WIPI2: variants seen among roughly 807,000 people sequenced by gnomAD.
WIPI2 encodes WD repeat domain, phosphoinositide interacting 2, also known as WD repeat domain phosphoinositide-interacting protein 2.
Under a neutral mutation model 52.3 loss-of-function variants are expected in WIPI2, and 28 were observed. That is an observed-to-expected ratio of 0.54 (90% CI 0.40 to 0.73). The LOEUF (loss-of-function observed/expected upper bound fraction) is 0.73, where lower values mean the gene tolerates loss of function less well. Ranked by LOEUF, WIPI2 falls within the 30% of genes least tolerant of loss-of-function variation. WIPI2 has a pLI of 0.00. For synonymous variants in WIPI2, 268 were observed against 245.0 expected (o/e 1.09, Z -0.88); for missense variants, 506 against 602.9 (o/e 0.84, Z 1.68).
intron 11 of WIPI2, 60 bp downstream of exon 11, chr7:5,228,271 AC>A: frequency 6.9e-7 from 1 of 1,443,722 alleles, no homozygotes; most frequent in Non-Finnish European, 9.3e-7. Context: ...CTTTCGGGGC[AC>A]CTGGCGAACG....
At chr7:5,199,233 A>T (rs1781909203) in intron 2 of WIPI2, among the ~76,000 whole-genome samples, 1 of 151,976 alleles carries the variant, frequency 6.6e-6, no homozygotes, top group Non-Finnish European at 1.5e-5. Flanking sequence ...GTAGAGATGG[A>T]GTGTCAGTAT....
intron 2 of WIPI2, among the ~76,000 whole-genome samples, chr7:5,195,896 G>A (rs1342498542): frequency 4.0e-5 from 6 of 151,858 alleles, no homozygotes; most frequent in Non-Finnish European, 4.4e-5. Context: ...AAAATTAGCC[G>A]GGTGTGATGG....
In WIPI2 at chr7:5,227,900, G is replaced by A. The variant is rs559592072; in HGVS notation, c.1014-204G>A. ...ACAAAACTGGTTTCATCCCGCTCTC[G>A]TCTCCCGTGGGCTTCAGGGCTCAGC... is the stretch of plus-strand genomic sequence containing the variant. On this transcript the variant is annotated intron_variant, in intron 10 of 12. Coordinates refer to ENST00000288828, the MANE Select transcript of WIPI2 (RefSeq NM_015610.4). The surrounding 1 kb of genome is among the most constrained non-coding windows in gnomAD (Gnocchi z 8.1). Among the ~76,000 whole-genome samples the A allele has an allele frequency of 2.1e-4, 32 of 152,290 alleles. No homozygotes were observed. Among genetic ancestry groups the A allele is most frequent in the African/African-American group, 7.2e-4 (30 of 41,550 alleles).
intron 7 of WIPI2, chr7:5,218,804 G>C (rs749631964): frequency 6.6e-6 from 1 of 152,096 alleles, no homozygotes; most frequent in Non-Finnish European, 1.5e-5. Flanking sequence ...TTTCGTTTCA[G>C]TTCCTCTTTT....
intron 3 of WIPI2, among the ~76,000 whole-genome samples, chr7:5,203,625 CTTTTTTT>C (rs10709311): frequency 1.5e-5 from 1 of 66,394 alleles, no homozygotes; most frequent in East Asian, 4.8e-4. Flanking sequence ...TACGTTCAGC[CTTTTTTT>C]TTTTTTTTTT....
At chr7:5,223,681 T>C (rs1783266712) in intron 8 of WIPI2, among the ~76,000 whole-genome samples, 1 of 152,132 alleles carries the variant, frequency 6.6e-6, no homozygotes, top group Admixed American at 6.5e-5. Context: ...CCTGGCTTCC[T>C]TCTTGAGGTG....
In WIPI2 at chr7:5,231,943, A is replaced by G. The variant is rs1372235283; in HGVS notation, c.*996A>G. 2 of 360,958 alleles carry G rather than the reference A, an allele frequency of 5.5e-6. No individual in the cohort carries two copies. Among genetic ancestry groups the G allele is most frequent in the Non-Finnish European group, 9.9e-6 (2 of 202,350 alleles). The allele number at this position is 360,958 out of a possible 1,614,324, so 22.4% of individuals were successfully genotyped here. ...TGGGCCACGTCCTTCACAGGGCGTCATGTGCCTTTCTATTTTCATCTTAGA... is the reference window on the plus strand; with the variant it reads ...TGGGCCACGTCCTTCACAGGGCGTCGTGTGCCTTTCTATTTTCATCTTAGA... On this transcript the variant is annotated 3_prime_UTR_variant, in exon 13 of 13. Transcript: ENST00000288828.
chr7:5,228,270 C>A, intron 11 of WIPI2, 59 bp downstream of exon 11: 1 of 1,457,042 alleles, frequency 6.9e-7, no homozygotes. Flanking sequence ...GCTTTCGGGG[C>A]ACCTGGCGAA....
intron 8 of WIPI2, among the ~76,000 whole-genome samples, chr7:5,225,013 G>C (rs1442437327): frequency 6.6e-6 from 1 of 152,190 alleles, no homozygotes; most frequent in Non-Finnish European, 1.5e-5. Flanking sequence ...ATTACGGACA[G>C]GGCTAAAAGT....
chr7:5,221,033 G>A (rs1466219388), intron 7 of WIPI2, among the ~76,000 whole-genome samples: 1 of 144,360 alleles, frequency 6.9e-6, no homozygotes, highest in African/African-American at 2.6e-5. Flanking sequence ...GTATGATCTC[G>A]GCTCACTGCA....
At chr7:5,196,131 A>G (rs1189666389) in intron 2 of WIPI2, among the ~76,000 whole-genome samples, 2 of 151,846 alleles carry the variant, frequency 1.3e-5, no homozygotes, top group Admixed American at 1.3e-4. Context: ...CCTGAGGTCA[A>G]GAGTTCGAGA....
chr7:5,211,767 A>G (rs1194399450), intron 3 of WIPI2, among the ~76,000 whole-genome samples: 2 of 152,222 alleles, frequency 1.3e-5, no homozygotes, highest in African/African-American at 4.8e-5. Context: ...CTGAGAGTCC[A>G]ACTCTTCTTT....
chr7:5,228,111 A>G lies in WIPI2; in HGVS notation c.1021A>G (p.Lys341Glu). 6.2e-7 allele frequency: 1 copy of G among 1,613,938 alleles called. No individual in the cohort carries two copies. The highest frequency in any genetic ancestry group is 8.5e-7 in the Non-Finnish European group (1 of 1,180,000). Residue 341 changes from lysine to glutamate, a missense_variant, in exon 11 of 13, where the codon AAG becomes GAG. Lys to Glu is a moderately conservative substitution (Grantham distance 56, BLOSUM62 1). Coordinates refer to ENST00000288828, the MANE Select transcript of WIPI2 (RefSeq NM_015610.4). ...GCTCTTTATTCTCCCTAGAATTCAGAAGATCCCGCGGTTGTTGGTGGGTGC... is the reference window on the plus strand; with the variant it reads ...GCTCTTTATTCTCCCTAGAATTCAGGAGATCCCGCGGTTGTTGGTGGGTGC... The part of the protein sequence containing the change: ...KNICSLATIQ[K>E]IPRLLVGAAD...
At chr7:5,217,249 C>T (rs1188756690) in intron 6 of WIPI2, 62 bp downstream of exon 6, 6 of 1,544,412 alleles carry the variant, frequency 3.9e-6, no homozygotes, top group South Asian at 1.1e-5. Flanking sequence ...AAGAGGAGCA[C>T]TGTGGTGTCC....
chr7:5,199,043 A>C (rs1363794264), intron 2 of WIPI2, among the ~76,000 whole-genome samples: 1 of 152,158 alleles, frequency 6.6e-6, no homozygotes, highest in Non-Finnish European at 1.5e-5. Context: ...TTCTTGAGAC[A>C]GTATCTCGCT....
Position 5,229,658 on chromosome 7 carries a change from A to C in WIPI2, c.1172A>C (p.His391Pro). ...AATGAGATCTTGGACTCTGCCTCTC[A>C]CGACTGCCCCTTAGTCACTCAGACA... ...TTNEILDSAS[H>P]DCPLVTQTYG... Residue 391 changes from histidine (H) to proline (P), a missense_variant, in exon 12 of 13, where the codon CAC (histidine) becomes CCC (proline). Physicochemically the swap from His to Pro is moderately conservative, Grantham distance 77 (BLOSUM62 -2). Around this residue, in one of 4 missense-constraint regions of WIPI2, gnomAD observed 194 missense variants for 175.1 expected, o/e 1.11. Coordinates refer to ENST00000288828, the MANE Select transcript of WIPI2 (RefSeq NM_015610.4). 1 of 1,614,018 alleles carries C rather than the reference A, an allele frequency of 6.2e-7. No individual in the cohort carries two copies. Among genetic ancestry groups the C allele is most frequent in the Non-Finnish European group, 8.5e-7 (1 of 1,179,956 alleles).
chr7:5,226,568 G>A (rs1467101034), intron 9 of WIPI2: 1 of 152,938 alleles, frequency 6.5e-6, no homozygotes, highest in South Asian at 2.0e-4. Context: ...GCCCAGGCTG[G>A]TCTGGAATTC....
At chr7:5,197,146 A>G (rs866941458) in intron 2 of WIPI2, among the ~76,000 whole-genome samples, 1 of 148,750 alleles carries the variant, frequency 6.7e-6, no homozygotes, top group African/African-American at 2.5e-5. Context: ...AAAAAAAAAA[A>G]CCATAAAATA....
rs373703272 is a variant in WIPI2, at chr7:5,227,183, C to T, written c.852C>T (p.Pro284=). 1.2e-6 allele frequency: 2 copies of T among 1,613,754 alleles called. No individual in the cohort carries two copies. Among genetic ancestry groups the T allele is most frequent in the Non-Finnish European group, 1.7e-6 (2 of 1,180,022 alleles). The change falls in exon 10 of 13, where the codon CCC becomes CCT. Residue 284 remains proline, a synonymous_variant. Coordinates refer to ENST00000288828, the MANE Select transcript of WIPI2 (RefSeq NM_015610.4). This position sits in a 1 kb window ranked among gnomAD's most constrained non-coding sequence, Gnocchi z 8.1. ...GTCTGGTGGCCTTTCCTTCCAGACCCCCAGAGGAGCCCACCACCTGGACCG... is the reference window on the plus strand; with the variant it reads ...GTCTGGTGGCCTTTCCTTCCAGACCTCCAGAGGAGCCCACCACCTGGACCG... ...IFKLETVKEK[P]PEEPTTWTGY...
Sources: gnomAD v4.1 joint callset for allele counts (sites outside exome capture counted in the v4.1 genomes callset) on GRCh38, gnomAD v4.1.1 for gene constraint, gnomAD v4.1.1 regional missense constraint, Gnocchi (gnomAD v3.1) non-coding constraint, MANE v1.5 for transcripts, NCBI Gene and HGNC (gene_info 2026-07-23, HGNC 2026-07-21) for gene names.